SIPA1L3: variants seen among roughly 807,000 people sequenced by gnomAD.
The protein encoded by SIPA1L3 is signal induced proliferation associated 1 like 3, also known as signal-induced proliferation-associated 1-like protein 3.
In SIPA1L3, 59 loss-of-function variants were observed where a neutral mutation model predicts 150.1. The observed-to-expected ratio is 0.39, with a 90% CI of 0.32 to 0.49. The LOEUF (loss-of-function observed/expected upper bound fraction) is 0.49. Among genes scored for constraint, SIPA1L3 ranks in the 20% least tolerant of loss-of-function variants. The pLI is 0.86. For synonymous variants in SIPA1L3, 1,070 were observed against 1,077.6 expected (o/e 0.99, Z 0.14); for missense variants, 2,211 against 2,489.5 (o/e 0.89, Z 2.38).
At chr19:38,177,183 A>T (rs1178050623) in intron 15 of SIPA1L3, among the ~76,000 whole-genome samples, 1 of 151,488 alleles carries the variant, frequency 6.6e-6, no homozygotes, top group East Asian at 2.0e-4. Context: ...AACACGGTGA[A>T]ACCCCATCTC....
At chr19:38,132,271 T>G (rs377095370) in intron 10 of SIPA1L3, among the ~76,000 whole-genome samples, 41 of 150,598 alleles carry the variant, frequency 2.7e-4, no homozygotes, top group African/African-American at 9.5e-4. Flanking sequence ...ATCAGAATTC[T>G]CCTATTGGCC....
intron 9 of SIPA1L3, among the ~76,000 whole-genome samples, chr19:38,128,388 C>G (rs543184623): frequency 2.0e-4 from 31 of 152,200 alleles, no homozygotes; most frequent in African/African-American, 7.5e-4. Context: ...CCGTCCAAAT[C>G]AGGAACCAAA....
chr19:38,206,227 A>G lies in SIPA1L3; in HGVS notation c.5333A>G (p.Lys1778Arg). The G allele has an allele frequency of 6.4e-7, 1 of 1,559,326 alleles. No homozygotes were observed. Among genetic ancestry groups the G allele is most frequent in the African/African-American group, 1.4e-5 (1 of 73,612 alleles). Reference protein sequence around the residue: ...RKFAEIFCREKKEL With the variant: ...RKFAEIFCRERKEL ...TTTGCGGAGATCTTCTGCAGGGAGA[A>G]GAAGGAGCTCTGAGGTGGGAGGCCG... The change falls in exon 22 of 22, where the codon AAG becomes AGG. Residue 1778 changes from lysine to arginine, a missense_variant. Lys to Arg is a conservative substitution (Grantham distance 26). Coordinates refer to ENST00000222345, the MANE Select transcript of SIPA1L3 (RefSeq NM_015073.3).
intron 2 of SIPA1L3, among the ~76,000 whole-genome samples, chr19:38,064,822 C>G (rs1222534142): frequency 6.6e-6 from 1 of 152,218 alleles, no homozygotes; most frequent in Non-Finnish European, 1.5e-5. Context: ...ATTATTATCT[C>G]CATTTTACAG....
At chr19:37,996,082 T>A (rs1368554950) in intron 1 of SIPA1L3, among the ~76,000 whole-genome samples, 1 of 152,140 alleles carries the variant, frequency 6.6e-6, no homozygotes, top group African/African-American at 2.4e-5. Flanking sequence ...CCTGGCTGAT[T>A]TTTAAATTTT....
rs749018430 is a variant in SIPA1L3 at position 38,031,060 on chromosome 19, T to TTG, written c.-311+1911_-311+1912dup. Among the ~76,000 whole-genome samples the TTG allele has an allele frequency of 2.0e-5, 3 of 152,162 alleles. No homozygotes were observed. In the South Asian group the frequency reaches 6.2e-4, roughly 31 times the overall value. ...GCAGTCTTGCCTGGGTACCTGAAGC[T>TTG]TGTGTGTGGGACAGTTGCTAGGGGC... is the stretch of plus-strand genomic sequence containing the variant. On this transcript the variant is annotated intron_variant, in intron 2 of 21. Transcript: ENST00000222345.
chr19:38,010,625 C>T (rs1230323214), intron 1 of SIPA1L3, among the ~76,000 whole-genome samples: 4 of 152,080 alleles, frequency 2.6e-5, no homozygotes, highest in East Asian at 1.9e-4. Flanking sequence ...GCAGGAGAAT[C>T]GCTTGAACCC....
chr19:37,974,542 G>T (rs1344700442), intron 1 of SIPA1L3, among the ~76,000 whole-genome samples: 1 of 152,018 alleles, frequency 6.6e-6, no homozygotes, highest in Non-Finnish European at 1.5e-5. Flanking sequence ...ATTGATTCAT[G>T]GCAGAGGTGG....
Position 38,130,714 on chromosome 19 carries a change from A to G in SIPA1L3, c.3085A>G (p.Thr1029Ala). 2 of 1,613,826 alleles carry G rather than the reference A, an allele frequency of 1.2e-6. No homozygotes were observed. The highest frequency in any genetic ancestry group is 1.7e-6 in the Non-Finnish European group (2 of 1,179,834). ...THDQMIDLLR[T>A]SVTVKVVIIP... ...CGACCAGATGATCGACCTGCTGCGC[A>G]CCTCTGTCACTGTGAAGGTGGTCAT... is the stretch of plus-strand genomic sequence containing the variant. Residue 1029 changes from threonine (T) to alanine (A), a missense_variant, in exon 10 of 22, where the codon ACC becomes GCC. Transcript: ENST00000222345.
Position 37,947,346 on chromosome 19 carries a change from G to A in SIPA1L3, c.-379+39988G>A, listed in dbSNP as rs566780326. 1.6e-3 allele frequency among the ~76,000 whole-genome samples: 247 copies of A among 152,068 alleles called. 1 individual carries two copies. The East Asian group carries it at 0.02, about 12-fold the overall frequency. ...CTACTAAAAATACAAAAAATTAGCT[G>A]GGTGTGGTGGCAGGCACCTGTAGTC... On this transcript the variant is annotated intron_variant, in intron 1 of 21. Coordinates refer to ENST00000222345, the MANE Select transcript of SIPA1L3 (RefSeq NM_015073.3).
At chr19:38,170,766 A>C (rs1972310809) in intron 15 of SIPA1L3, among the ~76,000 whole-genome samples, 1 of 152,052 alleles carries the variant, frequency 6.6e-6, no homozygotes, top group Non-Finnish European at 1.5e-5. Flanking sequence ...GCAGAGCTGG[A>C]GGAGGTGTCT....
chr19:37,982,208 G>T (rs988013886), intron 1 of SIPA1L3, among the ~76,000 whole-genome samples: 1 of 152,232 alleles, frequency 6.6e-6, no homozygotes, highest in African/African-American at 2.4e-5. Flanking sequence ...TGGGAACTGG[G>T]CTGTGAGCAG....
At chr19:38,185,207 C>T (rs759456752) in intron 16 of SIPA1L3, 2 of 152,298 alleles carry the variant, frequency 1.3e-5, no homozygotes, top group Non-Finnish European at 2.9e-5. Flanking sequence ...TCCCGTGTCC[C>T]CCATGGGAAA....
In SIPA1L3 at chr19:38,082,939, C is replaced by A. The variant is rs760509420; in HGVS notation, c.1374C>A (p.His458Gln). 6.2e-7 allele frequency: 1 copy of A among 1,613,110 alleles called. No individual in the cohort carries two copies. The highest frequency in any genetic ancestry group is 8.5e-7 in the Non-Finnish European group (1 of 1,179,884). Residue 458 changes from histidine (H) to glutamine (Q), a missense_variant, in exon 3 of 22, where the codon CAC becomes CAA. Physicochemically the swap from His to Gln is conservative, Grantham distance 24. Transcript: ENST00000222345. ...GCTCCCCGAGCAGCGGCGAGGGCCACCTGGCAGAGCCCGCCCTGAGCGCCT... is the reference window on the plus strand; with the variant it reads ...GCTCCCCGAGCAGCGGCGAGGGCCAACTGGCAGAGCCCGCCCTGAGCGCCT... ...SVGSPSSGEG[H>Q]LAEPALSAYR... is the part of the protein sequence containing the mutation.
intron 9 of SIPA1L3, among the ~76,000 whole-genome samples, chr19:38,126,097 C>T (rs1287536606): frequency 1.3e-5 from 2 of 152,062 alleles, no homozygotes; most frequent in Non-Finnish European, 2.9e-5. Flanking sequence ...TGGCGTGAAC[C>T]CGGGAGGCGG....
intron 1 of SIPA1L3, among the ~76,000 whole-genome samples, chr19:38,002,438 T>C (rs1377874562): frequency 6.6e-6 from 1 of 152,142 alleles, no homozygotes; most frequent in African/African-American, 2.4e-5. Context: ...ATGATATGTA[T>C]ATATCACATT....
chr19:38,147,106 A>G (rs8112798), intron 12 of SIPA1L3, among the ~76,000 whole-genome samples: 99,913 of 151,762 alleles, frequency 0.66, 34,367 homozygotes, highest in African/African-American at 0.86. Flanking sequence ...CTGTTGCCCA[A>G]GCCGGAGTGC....
Position 38,030,648 on chromosome 19 carries a change from ATATG to A in SIPA1L3, c.-311+1493_-311+1496del, listed in dbSNP as rs1280114345. ...AATATATATATATATATATATATATATATGGCAAATACTTACCTGTGCTATATAG... is the reference window on the plus strand; with the variant it reads ...AATATATATATATATATATATATATAGCAAATACTTACCTGTGCTATATAG... On this transcript the variant is annotated intron_variant, in intron 2 of 21. Transcript: ENST00000222345. Among the ~76,000 whole-genome samples the A allele has an allele frequency of 3.4e-3, 231 of 67,096 alleles. 18 individuals are homozygous for A. Among genetic ancestry groups the A allele is most frequent in the East Asian group, 0.024 (61 of 2,504 alleles). 44.0% of individuals were successfully genotyped at this position (67,096 alleles called of 152,430 possible). A position where few individuals can be genotyped will look rare whatever the true frequency, so the allele number is the denominator to read the frequency against.
intron 1 of SIPA1L3, among the ~76,000 whole-genome samples, chr19:38,013,553 T>A (rs1968158449): frequency 6.6e-6 from 1 of 152,232 alleles, no homozygotes; most frequent in African/African-American, 2.4e-5. Context: ...CTTCCAGAGA[T>A]GAGATGCTCA....
Sources: allele counts gnomAD v4.1 joint callset (sites outside exome capture counted in the v4.1 genomes callset), GRCh38; gene constraint gnomAD v4.1.1; transcripts MANE v1.5; gene names NCBI Gene and HGNC (gene_info 2026-07-23, HGNC 2026-07-21).